RAB3B: variants seen among roughly 807,000 people sequenced by gnomAD.
RAB3B encodes ras-related protein Rab-3B.
In RAB3B, 11 loss-of-function variants were observed where a neutral mutation model predicts 20.5. The ratio of observed to expected loss-of-function variants is 0.54; its 90% CI spans 0.34 to 0.89. The LOEUF (loss-of-function observed/expected upper bound fraction) is 0.89, where lower values mean the gene tolerates loss of function less well. RAB3B is among the 40% of genes least tolerant of loss of function. The pLI is 0.02. For synonymous variants in RAB3B, 99 were observed against 106.3 expected (o/e 0.93, Z 0.42); for missense variants, 225 against 280.9 (o/e 0.80, Z 1.42).
chr1:51,938,272 A>G lies in RAB3B; in HGVS notation c.229-860T>C, dbSNP rs560113532. Among the ~76,000 whole-genome samples the G allele has an allele frequency of 2.0e-4, 30 of 152,244 alleles. No individual in the cohort carries two copies. In the East Asian group the frequency reaches 4.8e-3, roughly 24 times the overall value. Reference sequence around the variant, plus strand: ...CTTGGTTTAGCCTTTCTGGGAATCAATTTGGAAGTCTTAAGAGCATTAAAA... The same window carrying G: ...CTTGGTTTAGCCTTTCTGGGAATCAGTTTGGAAGTCTTAAGAGCATTAAAA... On this transcript the variant is annotated intron_variant, in intron 2 of 4. Transcript: ENST00000371655.
At chr1:51,960,471 A>T (rs1243260090) in intron 2 of RAB3B, among the ~76,000 whole-genome samples, 1 of 152,188 alleles carries the variant, frequency 6.6e-6, no homozygotes, top group East Asian at 1.9e-4. Flanking sequence ...GCACAGGAGC[A>T]CAGACAGGAT....
intron 4 of RAB3B, among the ~76,000 whole-genome samples, chr1:51,920,600 C>T (rs1030870801): frequency 1.4e-4 from 22 of 152,196 alleles, no homozygotes; most frequent in African/African-American, 5.3e-4. Context: ...TTCATGTTGC[C>T]CCTGAGGAAG....
intron 2 of RAB3B, among the ~76,000 whole-genome samples, chr1:51,956,022 G>A (rs1054234378): frequency 2.6e-5 from 4 of 152,192 alleles, no homozygotes; most frequent in Admixed American, 6.5e-5. Context: ...TCTGAGGAGC[G>A]AGGAAGAGCC....
rs973075537 is a variant in RAB3B, at chr1:51,915,300, C to T, written c.*4627G>A. 2.6e-5 allele frequency: 4 copies of T among 152,036 alleles called. No individual in the cohort carries two copies. Among genetic ancestry groups the T allele is most frequent in the South Asian group, 2.1e-4 (1 of 4,810 alleles). The allele number at this position is 152,036 out of a possible 1,614,324, so 9.4% of individuals were successfully genotyped here. On this transcript the variant is annotated 3_prime_UTR_variant, in exon 5 of 5. Transcript: ENST00000371655. ...GTGCTTAATAATGCTAGGCCCTAGT[C>T]GATAGTCAAATAGCTAAGTGTCTTC... is the stretch of plus-strand genomic sequence containing the variant.
chr1:51,944,124 G>A (rs1571965496), intron 2 of RAB3B, among the ~76,000 whole-genome samples: 1 of 152,298 alleles, frequency 6.6e-6, no homozygotes, highest in South Asian at 2.1e-4. Flanking sequence ...TTAATTTGAA[G>A]TCAATGCTAA....
chr1:51,969,186 A>G (rs1571976089), intron 2 of RAB3B, among the ~76,000 whole-genome samples: 1 of 152,208 alleles, frequency 6.6e-6, no homozygotes, highest in African/African-American at 2.4e-5. Flanking sequence ...AGTCCCAGCT[A>G]CTGGTGAGGC....
chr1:51,979,389 G>A (rs1685054609), intron 1 of RAB3B, among the ~76,000 whole-genome samples: 1 of 151,270 alleles, frequency 6.6e-6, no homozygotes, highest in Admixed American at 6.6e-5. Flanking sequence ...TCCTGCCTTA[G>A]CCTCCCAAGT....
rs529956672 is a variant in RAB3B, at chr1:51,980,783, T to C, written c.1-3666A>G. ...ACACCCCCACCCTGATTTAGACCTGTAGGTGCTGCCCCACGACCCCCACCA... is the reference window on the plus strand; with the variant it reads ...ACACCCCCACCCTGATTTAGACCTGCAGGTGCTGCCCCACGACCCCCACCA... On this transcript the variant is annotated intron_variant, in intron 1 of 4. Transcript: ENST00000371655. 1.9e-5 allele frequency: 14 copies of C among 752,576 alleles called. No homozygotes were observed. The Admixed American group carries it at 2.0e-4, about 11-fold the overall frequency. The allele number at this position is 752,576 out of a possible 1,614,324, so 46.6% of individuals were successfully genotyped here.
At chr1:51,980,521 C>A (rs1286742713) in intron 1 of RAB3B, 2 of 738,396 alleles carry the variant, frequency 2.7e-6, no homozygotes, top group East Asian at 5.0e-5. Context: ...GGCCTGCAGC[C>A]ACTTGCAGCC....
At chr1:51,963,508 T>C (rs1346838336) in intron 2 of RAB3B, among the ~76,000 whole-genome samples, 2 of 152,244 alleles carry the variant, frequency 1.3e-5, no homozygotes, top group Non-Finnish European at 2.9e-5. Flanking sequence ...CACACAACCA[T>C]GCTTCAAATT....
rs1332270750 is a variant in RAB3B at position 51,911,713 on chromosome 1, A to G, written c.*8214T>C. On this transcript the variant is annotated 3_prime_UTR_variant, in exon 5 of 5. Coordinates refer to ENST00000371655, the MANE Select transcript of RAB3B (RefSeq NM_002867.4). ...TTTCGCTTACTATAGACCAGAATTT[A>G]CACAGGGATGGAGAATAAGCCATCA... The G allele has an allele frequency of 6.6e-6, 1 of 152,214 alleles. No individual in the cohort carries two copies. The highest frequency in any genetic ancestry group is 1.5e-5 in the Non-Finnish European group (1 of 68,038). 9.4% of individuals were successfully genotyped at this position (152,214 alleles called of 1,614,324 possible). A position where few individuals can be genotyped will look rare whatever the true frequency, so the allele number is the denominator to read the frequency against.
intron 1 of RAB3B, among the ~76,000 whole-genome samples, chr1:51,979,568 G>C (rs1299547771): frequency 6.6e-6 from 1 of 151,812 alleles, no homozygotes; most frequent in African/African-American, 2.4e-5. Flanking sequence ...ACCACACCTG[G>C]CCACATTATG....
At chr1:51,926,256 G>A (rs1034060143) in intron 4 of RAB3B, among the ~76,000 whole-genome samples, 1 of 152,204 alleles carries the variant, frequency 6.6e-6, no homozygotes, top group East Asian at 1.9e-4. Flanking sequence ...GCATCTTGAG[G>A]GAAGGGAACC....
rs1684053167 is a variant in RAB3B, at chr1:51,914,475, C to T, written c.*5452G>A. 6.6e-6 allele frequency: 1 copy of T among 152,134 alleles called. No homozygotes were observed. The highest frequency in any genetic ancestry group is 1.5e-5 in the Non-Finnish European group (1 of 68,018). The allele number at this position is 152,134 out of a possible 1,614,324, so 9.4% of individuals were successfully genotyped here. The stretch of plus-strand genomic sequence containing the variant: ...TGATTTGACAATGTCTATACTAAAT[C>T]ATGAAGCTATACGTTTCATGAAAGC... On this transcript the variant is annotated 3_prime_UTR_variant, in exon 5 of 5. Coordinates refer to ENST00000371655, the MANE Select transcript of RAB3B (RefSeq NM_002867.4).
chr1:51,975,818 A>C (rs1304485473), intron 2 of RAB3B, among the ~76,000 whole-genome samples: 1 of 151,886 alleles, frequency 6.6e-6, no homozygotes, highest in Non-Finnish European at 1.5e-5. Flanking sequence ...ATGGTGAAAC[A>C]CCATCTCTAC....
rs60661761 is a variant in RAB3B, at chr1:51,989,208, T to TTGTGTGTGTGTGTGTGTG, written c.-1+1326_-1+1343dup. On this transcript the variant is annotated intron_variant, in intron 1 of 4. Coordinates refer to ENST00000371655, the MANE Select transcript of RAB3B (RefSeq NM_002867.4). ...CCGGGGGAAGAGGGCCCATCTTGTT[T>TTGTGTGTGTGTGTGTGTG]TGTGTGTGTGTGTGTGTGTGTGTGT... is the stretch of plus-strand genomic sequence containing the variant. Among the ~76,000 whole-genome samples, 114 of 99,866 alleles carry TTGTGTGTGTGTGTGTGTG rather than the reference T, an allele frequency of 1.1e-3. 2 individuals are homozygous for TTGTGTGTGTGTGTGTGTG. Among genetic ancestry groups the TTGTGTGTGTGTGTGTGTG allele is most frequent in the African/African-American group, 4.5e-3 (105 of 23,166 alleles). 65.5% of individuals were successfully genotyped at this position (99,866 alleles called of 152,430 possible).
At chr1:51,982,460 A>G (rs1232537005) in intron 1 of RAB3B, among the ~76,000 whole-genome samples, 1 of 152,144 alleles carries the variant, frequency 6.6e-6, no homozygotes, top group Non-Finnish European at 1.5e-5. Context: ...GTGTTGTTAT[A>G]AAAGAGTCTA....
chr1:51,978,865 A>AT (rs1685045490), intron 1 of RAB3B, among the ~76,000 whole-genome samples: 1 of 152,204 alleles, frequency 6.6e-6, no homozygotes, highest in Admixed American at 6.5e-5. Flanking sequence ...AGCTGTAAGG[A>AT]TAAGGAGCTG....
At chr1:51,968,824 C>T (rs887319415) in intron 2 of RAB3B, among the ~76,000 whole-genome samples, 3 of 152,196 alleles carry the variant, frequency 2.0e-5, no homozygotes, top group African/African-American at 7.2e-5. Flanking sequence ...CCCAGCACCC[C>T]ATCTCACCTT....
Sources: allele counts gnomAD v4.1 joint callset (sites outside exome capture counted in the v4.1 genomes callset), GRCh38; gene constraint gnomAD v4.1.1; transcripts MANE v1.5; gene names NCBI Gene and HGNC (gene_info 2026-07-23, HGNC 2026-07-21).